The following PRKAR2A variants were observed in gnomAD, a reference collection of about 807,000 sequenced individuals.
PRKAR2A encodes protein kinase cAMP-dependent type II regulatory subunit alpha, also known as cAMP-dependent protein kinase type II-alpha regulatory subunit.
Under a neutral mutation model 51.9 loss-of-function variants are expected in PRKAR2A, and 29 were observed. The observed-to-expected ratio is 0.56, with a 90% confidence interval of 0.42 to 0.76. The LOEUF is 0.76. Among genes scored for constraint, PRKAR2A ranks in the 30% least tolerant of loss-of-function variants. The pLI is 0.00. For missense variants in PRKAR2A, 445 were observed against 512.1 expected (o/e 0.87, Z 1.26); for synonymous variants, 178 against 186.2 (o/e 0.96, Z 0.36).
At chr3:48,796,686 T>G (rs2082497627) in intron 2 of PRKAR2A, among the ~76,000 whole-genome samples, 1 of 150,514 alleles carries the variant, frequency 6.6e-6, no homozygotes, top group African/African-American at 2.4e-5. Context: ...TTTTTTTTTT[T>G]GCCATGTTGG....
In PRKAR2A at chr3:48,829,858, T is replaced by TAGATATATATAG. The variant is rs2083153972; in HGVS notation, c.262+17476_262+17477insCTATATATATCT. Among the ~76,000 whole-genome samples, 6 of 82,908 alleles carry TAGATATATATAG rather than the reference T, an allele frequency of 7.2e-5. 1 individual carries two copies. The highest frequency in any genetic ancestry group is 3.4e-4 in the African/African-American group (6 of 17,732). The allele number at this position is 82,908 out of a possible 152,430, so 54.4% of individuals were successfully genotyped here. A position where few individuals can be genotyped will look rare whatever the true frequency, so the allele number is the denominator to read the frequency against. ...ATATATGCGTGTGTGTATATATATA[T>TAGATATATATAG]ATATATATATATATTTTTTTTTTTT... On this transcript the variant is annotated intron_variant, in intron 1 of 10. Coordinates refer to ENST00000265563, the MANE Select transcript of PRKAR2A (RefSeq NM_004157.4).
chr3:48,847,463 G>A lies in PRKAR2A; in HGVS notation c.134C>T (p.Ala45Val), dbSNP rs550045306. ...GGCGGCGGGCAGGACTGAGGCTGGG[G>A]CGCGGGCCTCGCGCAGGCGGGTGAA... ...EYFTRLREAR[A>V]PASVLPAATP... The change falls in exon 1 of 11, where the codon GCC becomes GTC. Residue 45 changes from alanine (A) to valine (V), a missense_variant. By Grantham distance (64) the Ala-to-Val change is moderately conservative. Coordinates refer to ENST00000265563, the MANE Select transcript of PRKAR2A (RefSeq NM_004157.4). This position sits in a 1 kb window ranked among gnomAD's most constrained non-coding sequence, Gnocchi z 4.4. The A allele has an allele frequency of 1.9e-6, 3 of 1,571,412 alleles. No individual in the cohort carries two copies. The highest frequency in any genetic ancestry group is 1.9e-5 in the Admixed American group (1 of 53,298).
Position 48,752,220 on chromosome 3 carries a change from G to C in PRKAR2A, c.1037C>G (p.Pro346Arg), listed in dbSNP as rs754942216. The C allele has an allele frequency of 1.2e-6, 2 of 1,614,024 alleles. No homozygotes were observed. Among genetic ancestry groups the C allele is most frequent in the African/African-American group, 2.7e-5 (2 of 74,922 alleles). ...FGELALVTNK[P>R]RAASAYAVGD... ...AACTGCATAAGCTGAGGCAGCTCTGGGTTTGTTGGTGACCAGGGCAAGCTC... is the reference window on the plus strand; with the variant it reads ...AACTGCATAAGCTGAGGCAGCTCTGCGTTTGTTGGTGACCAGGGCAAGCTC... The change falls in exon 10 of 11, where the codon CCC becomes CGC. Residue 346 changes from proline to arginine, a missense_variant. By Grantham distance (103) the Pro-to-Arg change is moderately radical. Transcript: ENST00000265563.
At chr3:48,815,287 T>C (rs2082855584) in intron 1 of PRKAR2A, among the ~76,000 whole-genome samples, 1 of 152,038 alleles carries the variant, frequency 6.6e-6, no homozygotes, top group South Asian at 2.1e-4. Context: ...CAAACATACA[T>C]ACACACACAT....
chr3:48,819,916 G>A (rs917701735), intron 1 of PRKAR2A, among the ~76,000 whole-genome samples: 1 of 152,142 alleles, frequency 6.6e-6, no homozygotes, highest in Admixed American at 6.5e-5. Context: ...TATCCTTTAG[G>A]AGTGGCCTCT....
chr3:48,761,325 A>C (rs889438760), intron 8 of PRKAR2A, among the ~76,000 whole-genome samples: 6 of 152,086 alleles, frequency 3.9e-5, no homozygotes, highest in Non-Finnish European at 8.8e-5. Context: ...AAAATGGATC[A>C]CAGACCTAAG....
chr3:48,817,217 T>C (rs1005291367), intron 1 of PRKAR2A, among the ~76,000 whole-genome samples: 4 of 151,186 alleles, frequency 2.6e-5, no homozygotes, highest in Non-Finnish European at 5.9e-5. Flanking sequence ...GTCCCACCGA[T>C]TCGGGAGGCT....
intron 6 of PRKAR2A, among the ~76,000 whole-genome samples, chr3:48,769,157 C>CTTTT (rs200382765): frequency 5.9e-5 from 8 of 136,270 alleles, no homozygotes; most frequent in Non-Finnish European, 6.1e-5. Flanking sequence ...AAATATCTTT[C>CTTTT]TTTTTTTTTT....
chr3:48,753,090 G>A (rs1435075298), intron 9 of PRKAR2A, among the ~76,000 whole-genome samples: 2 of 151,022 alleles, frequency 1.3e-5, no homozygotes, highest in African/African-American at 2.4e-5. Context: ...CCGCCACCAC[G>A]CCTGGCTAAT....
At chr3:48,766,846 C>A (rs778529940) in intron 6 of PRKAR2A, among the ~76,000 whole-genome samples, 2 of 152,046 alleles carry the variant, frequency 1.3e-5, no homozygotes, top group Non-Finnish European at 2.9e-5. Flanking sequence ...GTCATGGATT[C>A]CTTCTGTTTT....
At chr3:48,800,523 A>G (rs1216585134) in intron 2 of PRKAR2A, among the ~76,000 whole-genome samples, 3 of 151,226 alleles carry the variant, frequency 2.0e-5, no homozygotes, top group Admixed American at 2.0e-4. Context: ...AAAAAAAAAA[A>G]AACTATATAC....
intron 1 of PRKAR2A, among the ~76,000 whole-genome samples, chr3:48,838,785 C>T (rs543531111): frequency 5.0e-4 from 75 of 149,004 alleles, no homozygotes; most frequent in African/African-American, 1.7e-3. Flanking sequence ...GAGACCATCC[C>T]GGCTAACACG....
At chr3:48,836,413 T>G (rs1283338795) in intron 1 of PRKAR2A, among the ~76,000 whole-genome samples, 1 of 42,602 alleles carries the variant, frequency 2.3e-5, no homozygotes, top group Non-Finnish European at 4.1e-5. Flanking sequence ...AGTGCGAGAC[T>G]CCGTCTAAAA....
At chr3:48,762,314 T>C (rs1175695272) in intron 8 of PRKAR2A, among the ~76,000 whole-genome samples, 1 of 152,176 alleles carries the variant, frequency 6.6e-6, no homozygotes, top group African/African-American at 2.4e-5. Flanking sequence ...AAACTGGAAT[T>C]TTCATACATG....
At chr3:48,814,014 C>T (rs761783417) in intron 1 of PRKAR2A, among the ~76,000 whole-genome samples, 2 of 151,994 alleles carry the variant, frequency 1.3e-5, no homozygotes, top group Non-Finnish European at 2.9e-5. Context: ...CTTTAAGAGG[C>T]CGAGGTGGGT....
intron 4 of PRKAR2A, 42 bp from the exon 5 acceptor site, chr3:48,783,134 T>TGG: frequency 7.5e-7 from 1 of 1,328,474 alleles, no homozygotes; most frequent in South Asian, 1.2e-5. Context: ...CCTTTACATA[T>TGG]GCTGAAAAAA....
intron 6 of PRKAR2A, among the ~76,000 whole-genome samples, chr3:48,768,775 G>C: frequency 6.6e-6 from 1 of 152,216 alleles, no homozygotes; most frequent in African/African-American, 2.4e-5. Context: ...TCCACCTACA[G>C]TGTAACAAAG....
intron 1 of PRKAR2A, among the ~76,000 whole-genome samples, chr3:48,813,675 C>T (rs1380857507): frequency 6.6e-6 from 1 of 151,882 alleles, no homozygotes; most frequent in Non-Finnish European, 1.5e-5. Context: ...GCCTGGGCAA[C>T]AGAGCGAGAC....
At chr3:48,796,670 G>A (rs868292324) in intron 2 of PRKAR2A, among the ~76,000 whole-genome samples, 16 of 136,776 alleles carry the variant, frequency 1.2e-4, no homozygotes, top group African/African-American at 4.3e-4. Flanking sequence ...TAGAGACGGG[G>A]TTTTTTTTTT....
Sources: allele counts gnomAD v4.1 joint callset (sites outside exome capture counted in the v4.1 genomes callset), GRCh38; gene constraint gnomAD v4.1.1; non-coding constraint Gnocchi (gnomAD v3.1); transcripts MANE v1.5; gene names NCBI Gene and HGNC (gene_info 2026-07-23, HGNC 2026-07-21).